Variants in TTC17 observed in about 807,000 individuals in gnomAD.
TTC17 encodes the protein tetratricopeptide repeat protein 17.
In TTC17, 58 loss-of-function variants were observed where a neutral mutation model predicts 143.8. The ratio of observed to expected loss-of-function variants is 0.40; its 90% CI spans 0.33 to 0.50. The LOEUF (loss-of-function observed/expected upper bound fraction) is 0.50, where lower values mean the gene tolerates loss of function less well. Among genes scored for constraint, TTC17 ranks in the 20% least tolerant of loss-of-function variants. The pLI, the probability that TTC17 is intolerant of heterozygous loss-of-function variation, is 0.49. For synonymous variants in TTC17, 501 were observed against 497.8 expected (o/e 1.01, Z -0.09); for missense variants, 1,273 against 1,392.5 (o/e 0.91, Z 1.37).
At chr11:43,389,541 T>A in intron 2 of TTC17, 111 bp from the exon 3 acceptor site, 1 of 1,096,622 alleles carries the variant, frequency 9.1e-7, no homozygotes, top group Non-Finnish European at 1.3e-6. Flanking sequence ...AATTCTTGTC[T>A]TCCTACATAG....
intron 16 of TTC17, 123 bp downstream of exon 16, chr11:43,414,899 C>T (rs1946742957): frequency 2.0e-6 from 2 of 1,020,906 alleles, no homozygotes; most frequent in Admixed American, 2.9e-5. Context: ...AGTATAATTC[C>T]AGATGCATAG....
At chr11:43,492,295 A>G (rs1478778562) in intron 23 of TTC17, 132 bp downstream of exon 23, 2 of 1,239,962 alleles carry the variant, frequency 1.6e-6, no homozygotes, top group Non-Finnish European at 2.2e-6. Context: ...GGTTCCACCA[A>G]TGTTATATTT....
intron 18 of TTC17, among the ~76,000 whole-genome samples, chr11:43,444,956 T>C (rs927921068): frequency 6.6e-6 from 1 of 152,214 alleles, no homozygotes; most frequent in Non-Finnish European, 1.5e-5. Flanking sequence ...ATTCTACTTC[T>C]AGTAATTTAC....
intron 21 of TTC17, among the ~76,000 whole-genome samples, chr11:43,482,787 T>C (rs963012519): frequency 6.6e-6 from 1 of 152,124 alleles, no homozygotes; most frequent in Admixed American, 6.5e-5. Flanking sequence ...TATTAATAAT[T>C]ATGAATTTGC....
chr11:43,406,749 C>T (rs181006820), intron 13 of TTC17, among the ~76,000 whole-genome samples: 13 of 152,238 alleles, frequency 8.5e-5, no homozygotes, highest in African/African-American at 3.1e-4. Context: ...GCTGCAGGAA[C>T]ATGAAGTAGA....
chr11:43,387,983 T>C (rs563725866), intron 2 of TTC17, among the ~76,000 whole-genome samples: 1 of 152,222 alleles, frequency 6.6e-6, no homozygotes, highest in Non-Finnish European at 1.5e-5. Flanking sequence ...GGTGTTATGA[T>C]CTACTGGGAC....
intron 15 of TTC17, among the ~76,000 whole-genome samples, chr11:43,410,849 T>G (rs1858377571): frequency 2.0e-5 from 3 of 152,232 alleles, no homozygotes; most frequent in Admixed American, 1.3e-4. Flanking sequence ...ACCTTTCTCC[T>G]GTTCTCAGGG....
chr11:43,423,229 CAG>C (rs1946948619), intron 16 of TTC17, among the ~76,000 whole-genome samples: 2 of 152,130 alleles, frequency 1.3e-5, no homozygotes, highest in African/African-American at 4.8e-5. Context: ...ACAGTTGTCT[CAG>C]AATGCGAATT....
Position 43,404,226 on chromosome 11 carries a change from A to AT in TTC17, c.1479+83dup, listed in dbSNP as rs2134582170. The AT allele has an allele frequency of 2.2e-6, 3 of 1,374,414 alleles. No homozygotes were observed. In the East Asian group the frequency reaches 7.1e-5, roughly 32 times the overall value. 85.1% of individuals were successfully genotyped at this position (1,374,414 alleles called of 1,614,324 possible). A position where few individuals can be genotyped will look rare whatever the true frequency, so the allele number is the denominator to read the frequency against. Reference sequence around the variant, plus strand: ...CAGTGGCCCTCAACCTCACTGATTAATATGGCCTCTATGACTGTTCAGATT... The same window carrying AT: ...CAGTGGCCCTCAACCTCACTGATTAATTATGGCCTCTATGACTGTTCAGATT... On this transcript the variant is annotated intron_variant, in intron 11 of 23. Transcript: ENST00000039989.
At chr11:43,393,660 G>T (rs1370107603) in intron 5 of TTC17, among the ~76,000 whole-genome samples, 1 of 152,150 alleles carries the variant, frequency 6.6e-6, no homozygotes, top group Non-Finnish European at 1.5e-5. Context: ...CTCTGATCAT[G>T]CCTTGGCTTT....
chr11:43,405,217 A>G (rs1735488985), intron 11 of TTC17, among the ~76,000 whole-genome samples: 1 of 151,508 alleles, frequency 6.6e-6, no homozygotes, highest in Admixed American at 6.6e-5. Flanking sequence ...GTTCATATGT[A>G]ACGTAAGAGC....
chr11:43,453,239 CAAAT>C (rs1382248314), intron 21 of TTC17, among the ~76,000 whole-genome samples: 21 of 152,136 alleles, frequency 1.4e-4, no homozygotes, highest in Admixed American at 2.0e-4. Flanking sequence ...GCTCTAGATT[CAAAT>C]AAATAAGATT....
intron 1 of TTC17, among the ~76,000 whole-genome samples, chr11:43,376,730 G>A (rs1169052794): frequency 1.3e-5 from 2 of 152,166 alleles, no homozygotes; most frequent in Non-Finnish European, 2.9e-5. Flanking sequence ...CTCATAGTGG[G>A]CCTGGCTTAT....
chr11:43,387,371 T>G (rs1857208399), intron 2 of TTC17, among the ~76,000 whole-genome samples: 2 of 152,168 alleles, frequency 1.3e-5, no homozygotes, highest in Non-Finnish European at 2.9e-5. Flanking sequence ...AGAAGTGACA[T>G]ACACCATCTT....
chr11:43,411,772 G>T (rs1858425279), intron 15 of TTC17, among the ~76,000 whole-genome samples: 1 of 152,118 alleles, frequency 6.6e-6, no homozygotes. Context: ...CTAAGTATGG[G>T]ATTTAATTTT....
chr11:43,467,637 G>A (rs1157939906), intron 21 of TTC17, among the ~76,000 whole-genome samples: 1 of 152,164 alleles, frequency 6.6e-6, no homozygotes, highest in African/African-American at 2.4e-5. Flanking sequence ...ACTTAGAATG[G>A]TTAAGATAAA....
intron 1 of TTC17, among the ~76,000 whole-genome samples, chr11:43,359,555 A>G (rs891574024): frequency 6.6e-6 from 1 of 152,060 alleles, no homozygotes; most frequent in African/African-American, 2.4e-5. Flanking sequence ...CAGCTTCTGG[A>G]CCCCTAGCCT....
intron 1 of TTC17, among the ~76,000 whole-genome samples, chr11:43,362,704 C>T (rs181271643): frequency 6.6e-6 from 1 of 152,308 alleles, no homozygotes; most frequent in Admixed American, 6.5e-5. Context: ...ATTGATCTTC[C>T]TACCTCAGCC....
At chr11:43,401,619 C>T in intron 10 of TTC17, 61 bp downstream of exon 10, 1 of 1,210,804 alleles carries the variant, frequency 8.3e-7, no homozygotes, top group South Asian at 1.5e-5. Context: ...TTTTTTAAAA[C>T]TTTTGTTTTT....
Sources: allele counts gnomAD v4.1 joint callset (sites outside exome capture counted in the v4.1 genomes callset), GRCh38; gene constraint gnomAD v4.1.1; transcripts MANE v1.5; gene names NCBI Gene and HGNC (gene_info 2026-07-23, HGNC 2026-07-21).